FAM193A: variants seen among roughly 807,000 people sequenced by gnomAD.
FAM193A encodes the protein protein FAM193A.
FAM193A carries 22 observed loss-of-function variants against 126.5 expected under a neutral mutation model. The ratio of observed to expected loss-of-function variants is 0.17; its 90% CI spans 0.12 to 0.25. FAM193A has a LOEUF of 0.25. Among genes scored for constraint, FAM193A ranks in the 10% least tolerant of loss-of-function variants. The probability of loss-of-function intolerance (pLI) is 1.00; values close to 1 mark genes in which losing one functional copy is unlikely to be tolerated. For missense variants in FAM193A, 1,675 were observed against 1,672.8 expected (o/e 1.00, Z -0.02); for synonymous variants, 761 against 646.8 (o/e 1.18, Z -2.68).
At chr4:2,555,314 A>G (rs998159636) in intron 1 of FAM193A, among the ~76,000 whole-genome samples, 6 of 152,156 alleles carry the variant, frequency 3.9e-5, no homozygotes, top group African/African-American at 1.4e-4. Context: ...TTTTGTTTTT[A>G]CTATGGAAGT....
intron 7 of FAM193A, among the ~76,000 whole-genome samples, chr4:2,657,067 C>G (rs1233655763): frequency 1.3e-5 from 2 of 152,186 alleles, no homozygotes; most frequent in Non-Finnish European, 2.9e-5. Flanking sequence ...ACTCAGGAGG[C>G]TGAAGCACAA....
intron 2 of FAM193A, among the ~76,000 whole-genome samples, chr4:2,616,318 C>T (rs903780972): frequency 6.6e-6 from 1 of 152,102 alleles, no homozygotes; most frequent in Non-Finnish European, 1.5e-5. Context: ...AGCCTTTTTT[C>T]ATTAGTGTGT....
At chr4:2,580,083 C>T (rs1382070205) in intron 1 of FAM193A, among the ~76,000 whole-genome samples, 2 of 152,096 alleles carry the variant, frequency 1.3e-5, no homozygotes, top group African/African-American at 2.4e-5. Context: ...ACATATACAC[C>T]ATGGAATACT....
intron 7 of FAM193A, among the ~76,000 whole-genome samples, chr4:2,653,592 C>T (rs568507843): frequency 7.2e-5 from 11 of 152,100 alleles, no homozygotes; most frequent in South Asian, 6.2e-4. Flanking sequence ...TACAGGCGCC[C>T]GCCACCACGC....
chr4:2,629,066 A>G (rs1031946971), intron 4 of FAM193A, among the ~76,000 whole-genome samples: 2 of 152,032 alleles, frequency 1.3e-5, no homozygotes, highest in African/African-American at 4.8e-5. Flanking sequence ...GTTAGCCAGG[A>G]TGGTCTCAAT....
chr4:2,595,963 A>G (rs1436186881), intron 1 of FAM193A, 121 bp from the exon 2 acceptor site: 21 of 590,908 alleles, frequency 3.6e-5, no homozygotes, highest in Admixed American at 2.7e-4. Flanking sequence ...TACATTTCCT[A>G]TTTTATGTTT....
chr4:2,670,365 A>G (rs546764718), intron 12 of FAM193A, among the ~76,000 whole-genome samples: 1 of 152,250 alleles, frequency 6.6e-6, no homozygotes, highest in East Asian at 1.9e-4. Context: ...TGAACATGTT[A>G]TAACAGCTGC....
chr4:2,598,063 C>T (rs191370753), intron 2 of FAM193A, among the ~76,000 whole-genome samples: 2 of 152,280 alleles, frequency 1.3e-5, no homozygotes, highest in East Asian at 3.9e-4. Flanking sequence ...CGCCACCATG[C>T]CCAGCTAATT....
At chr4:2,576,243 G>GC (rs1313371802) in intron 1 of FAM193A, among the ~76,000 whole-genome samples, 4 of 152,180 alleles carry the variant, frequency 2.6e-5, no homozygotes, top group African/African-American at 7.2e-5. Context: ...GATTACAGGT[G>GC]CCCCCCACCA....
chr4:2,584,299 C>T lies in FAM193A; in HGVS notation c.256-11785C>T, dbSNP rs918787172. Among the ~76,000 whole-genome samples the T allele has an allele frequency of 8.6e-5, 13 of 151,796 alleles. No individual in the cohort carries two copies. The South Asian group carries it at 1.2e-3, about 15-fold the overall frequency. On this transcript the variant is annotated intron_variant, in intron 1 of 20. Transcript: ENST00000637812. Reference sequence around the variant, plus strand: ...AAAATTAGCGGTGCTTGGTGGCTCGCACCTGTAATCCCAGCTACTCAGGAG... The same window carrying T: ...AAAATTAGCGGTGCTTGGTGGCTCGTACCTGTAATCCCAGCTACTCAGGAG...
chr4:2,652,505 C>T (rs1015082406), intron 7 of FAM193A, among the ~76,000 whole-genome samples: 1 of 152,258 alleles, frequency 6.6e-6, no homozygotes, highest in South Asian at 2.1e-4. Flanking sequence ...GGGAAACTTA[C>T]AATCATGGTG....
intron 7 of FAM193A, among the ~76,000 whole-genome samples, chr4:2,648,632 G>A (rs1033228192): frequency 9.9e-5 from 15 of 152,228 alleles, no homozygotes; most frequent in Admixed American, 9.8e-4. Flanking sequence ...CCTTCATCTC[G>A]TGAGGCCTGG....
intron 2 of FAM193A, among the ~76,000 whole-genome samples, chr4:2,598,854 C>G (rs574367618): frequency 2.5e-4 from 38 of 152,288 alleles, no homozygotes; most frequent in African/African-American, 8.7e-4. Context: ...GCAAGGTCTC[C>G]GATGGTGGCA....
intron 1 of FAM193A, among the ~76,000 whole-genome samples, chr4:2,570,272 A>G (rs997280369): frequency 6.6e-6 from 1 of 152,084 alleles, no homozygotes; most frequent in Non-Finnish European, 1.5e-5. Context: ...GTCTCCCTGC[A>G]GGGTTGAATT....
intron 2 of FAM193A, among the ~76,000 whole-genome samples, chr4:2,603,442 G>C (rs1046441718): frequency 1.4e-5 from 2 of 145,356 alleles, no homozygotes; most frequent in Middle Eastern, 3.6e-3. Context: ...GCACTACCAC[G>C]CCCAGCTAAT....
At chr4:2,688,714 G>A (rs369083584) in intron 13 of FAM193A, among the ~76,000 whole-genome samples, 7 of 152,244 alleles carry the variant, frequency 4.6e-5, no homozygotes, top group East Asian at 3.8e-4. Context: ...GGAAGAGTTC[G>A]TGGTGCAAAT....
At chr4:2,571,563 CAG>C (rs796575620) in intron 1 of FAM193A, among the ~76,000 whole-genome samples, 6 of 151,060 alleles carry the variant, frequency 4.0e-5, no homozygotes, top group African/African-American at 9.7e-5. Flanking sequence ...TTTTTTGACA[CAG>C]AGTTTCGCTC....
chr4:2,594,524 T>G (rs1217521659), intron 1 of FAM193A, among the ~76,000 whole-genome samples: 1 of 152,162 alleles, frequency 6.6e-6, no homozygotes, highest in Middle Eastern at 3.4e-3. Context: ...CTAGCGGGGG[T>G]TCTCTCACCT....
At chr4:2,624,688 A>G (rs1032725771) in intron 2 of FAM193A, among the ~76,000 whole-genome samples, 5 of 152,184 alleles carry the variant, frequency 3.3e-5, no homozygotes, top group Non-Finnish European at 7.3e-5. Flanking sequence ...TAAATTTAAT[A>G]TAAATTAATT....
Sources: gnomAD v4.1 joint callset for allele counts (sites outside exome capture counted in the v4.1 genomes callset) on GRCh38, gnomAD v4.1.1 for gene constraint, MANE v1.5 for transcripts, NCBI Gene and HGNC (gene_info 2026-07-23, HGNC 2026-07-21) for gene names.